Variants in DAPK1 observed in about 807,000 individuals in gnomAD.
DAPK1 encodes the protein death associated protein kinase 1.
Under a neutral mutation model 144.9 loss-of-function variants are expected in DAPK1, and 56 were observed. That is an observed-to-expected ratio of 0.39 (90% CI 0.31 to 0.48). DAPK1 has a LOEUF of 0.48. Among genes scored for constraint, DAPK1 ranks in the 20% least tolerant of loss-of-function variants. The probability of loss-of-function intolerance (pLI) is 0.95; values close to 1 mark genes in which losing one functional copy is unlikely to be tolerated. For missense variants in DAPK1, 1,454 were observed against 1,875.4 expected (o/e 0.78, Z 4.15); for synonymous variants, 690 against 749.0 (o/e 0.92, Z 1.29).
intron 19 of DAPK1, among the ~76,000 whole-genome samples, chr9:87,679,760 C>T (rs1348047247): frequency 6.6e-6 from 1 of 152,154 alleles, no homozygotes; most frequent in African/African-American, 2.4e-5. Context: ...GAGCCTCCTG[C>T]TTCTCCATAT....
chr9:87,568,289 CAG>C (rs1351219931), intron 2 of DAPK1, among the ~76,000 whole-genome samples: 2 of 152,240 alleles, frequency 1.3e-5, no homozygotes, highest in African/African-American at 4.8e-5. Context: ...TGCTGGGAAT[CAG>C]AGTTTTAAAA....
intron 3 of DAPK1, among the ~76,000 whole-genome samples, chr9:87,617,787 A>G (rs59123418): frequency 0.032 from 4,845 of 152,046 alleles, 255 homozygotes; most frequent in African/African-American, 0.11. Context: ...CTCCCCAGGT[A>G]CCTCAACTTC....
intron 2 of DAPK1, among the ~76,000 whole-genome samples, chr9:87,580,706 G>A (rs1827723842): frequency 6.6e-6 from 1 of 152,138 alleles, no homozygotes; most frequent in East Asian, 1.9e-4. Context: ...TTTACTACCT[G>A]CTCTAAAGCT....
chr9:87,641,533 G>A (rs1830093838), intron 9 of DAPK1, among the ~76,000 whole-genome samples: 1 of 152,130 alleles, frequency 6.6e-6, no homozygotes, highest in Non-Finnish European at 1.5e-5. Flanking sequence ...AGAGGTGGAG[G>A]ACAAAAGCTA....
chr9:87,634,732 C>T (rs1829829411), intron 3 of DAPK1, among the ~76,000 whole-genome samples: 1 of 152,192 alleles, frequency 6.6e-6, no homozygotes, highest in African/African-American at 2.4e-5. Context: ...AATCCCAGCT[C>T]ACCCAGGTCA....
intron 2 of DAPK1, among the ~76,000 whole-genome samples, chr9:87,509,798 C>A (rs903361696): frequency 6.6e-6 from 1 of 152,250 alleles, no homozygotes; most frequent in African/African-American, 2.4e-5. Context: ...TCACAGATTT[C>A]ATTCCTGGGA....
chr9:87,652,539 C>G (rs1377649864), intron 17 of DAPK1, among the ~76,000 whole-genome samples: 3 of 145,914 alleles, frequency 2.1e-5, no homozygotes, highest in Non-Finnish European at 3.0e-5. Flanking sequence ...GCCCCCGATC[C>G]TGGGTCCTGA....
At chr9:87,629,686 A>G (rs2119084705) in intron 3 of DAPK1, among the ~76,000 whole-genome samples, 1 of 152,204 alleles carries the variant, frequency 6.6e-6, no homozygotes, top group East Asian at 1.9e-4. Context: ...TAACTCTTTC[A>G]AAGTATACAT....
chr9:87,640,401 A>G lies in DAPK1; in HGVS notation c.733A>G (p.Ser245Gly). The G allele has an allele frequency of 1.2e-6, 2 of 1,614,232 alleles. No individual in the cohort carries two copies. Among genetic ancestry groups the G allele is most frequent in the Non-Finnish European group, 1.7e-6 (2 of 1,180,032 alleles). Residue 245 changes from serine (S) to glycine (G), a missense_variant, in exon 8 of 26, where the codon AGT becomes GGT. Physicochemically the swap from Ser to Gly is moderately conservative, Grantham distance 56. Transcript: ENST00000408954. ...EFEDEYFSNT[S>G]ALAKDFIRRL... Reference sequence around the variant, plus strand: ...TGAGGATGAATACTTCAGTAATACCAGTGCCCTAGCCAAAGATTTCATAAG... The same window carrying G: ...TGAGGATGAATACTTCAGTAATACCGGTGCCCTAGCCAAAGATTTCATAAG...
intron 3 of DAPK1, among the ~76,000 whole-genome samples, chr9:87,633,632 G>A (rs1462788703): frequency 2.0e-5 from 3 of 152,156 alleles, no homozygotes; most frequent in Non-Finnish European, 4.4e-5. Context: ...AACTCTTGGG[G>A]TTCCAGGGTT....
chr9:87,662,403 GTT>G (rs769643847), intron 18 of DAPK1, among the ~76,000 whole-genome samples: 17 of 152,032 alleles, frequency 1.1e-4, no homozygotes, highest in Admixed American at 2.0e-4. Flanking sequence ...TCTGTAGATT[GTT>G]TCAGGCAGTA....
chr9:87,499,938 A>G (rs530656434), intron 2 of DAPK1, among the ~76,000 whole-genome samples: 1 of 152,240 alleles, frequency 6.6e-6, no homozygotes, highest in African/African-American at 2.4e-5. Flanking sequence ...GTTTTCATAC[A>G]TACATTTAAA....
Position 87,685,602 on chromosome 9 carries a change from C to T in DAPK1, c.2225-949C>T, listed in dbSNP as rs1187279298. On this transcript the variant is annotated intron_variant, in intron 20 of 25. Coordinates refer to ENST00000408954, the MANE Select transcript of DAPK1 (RefSeq NM_004938.4). ...GCCTGCACAAGCCTGGTGGGAGAGA[C>T]GGGGAGCAGGGCAGGCCAGTGAGTA... Among the ~76,000 whole-genome samples, 4 of 152,246 alleles carry T rather than the reference C, an allele frequency of 2.6e-5. No individual in the cohort carries two copies. The South Asian group carries it at 6.2e-4, about 24-fold the overall frequency.
At chr9:87,524,997 G>T (rs1825437181) in intron 2 of DAPK1, among the ~76,000 whole-genome samples, 1 of 152,146 alleles carries the variant, frequency 6.6e-6, no homozygotes, top group African/African-American at 2.4e-5. Context: ...TAAAGAACTT[G>T]CTCATGTAAC....
Position 87,529,585 on chromosome 9 carries a change from C to T in DAPK1, c.62+30446C>T, listed in dbSNP as rs566457186. On this transcript the variant is annotated intron_variant, in intron 2 of 25. Transcript: ENST00000408954. ...CACATGCTCTGGGGGATATATGGCA[C>T]AGTCTTTGGATTATCAGTTTGTGTT... Among the ~76,000 whole-genome samples the T allele has an allele frequency of 4.6e-5, 7 of 152,224 alleles. No individual in the cohort carries two copies. In the South Asian group the frequency reaches 1.5e-3, roughly 32 times the overall value.
chr9:87,657,801 G>A (rs1303292118), intron 17 of DAPK1: 2 of 543,874 alleles, frequency 3.7e-6, no homozygotes, highest in Admixed American at 3.1e-5. Flanking sequence ...ACTTACTTAA[G>A]TTATCTTTGA....
chr9:87,516,193 T>C (rs2118170473), intron 2 of DAPK1, among the ~76,000 whole-genome samples: 1 of 152,262 alleles, frequency 6.6e-6, no homozygotes, highest in Non-Finnish European at 1.5e-5. Flanking sequence ...TGGGATTCTG[T>C]CTCCAGCATT....
At chr9:87,497,845 G>A (rs1043744230), upstream of DAPK1, 4 of 391,068 alleles carry the variant, frequency 1.0e-5, no homozygotes, top group African/African-American at 4.1e-5. Context: ...CCGCCCAAAA[G>A]GCGGCAAGGA....
At chr9:87,623,644 G>A (rs1422677569) in intron 3 of DAPK1, among the ~76,000 whole-genome samples, 2 of 152,192 alleles carry the variant, frequency 1.3e-5, no homozygotes, top group African/African-American at 2.4e-5. Flanking sequence ...GCTAGAGGGT[G>A]GGTTGGGAGT....
Sources: gnomAD v4.1 joint callset for allele counts (sites outside exome capture counted in the v4.1 genomes callset) on GRCh38, gnomAD v4.1.1 for gene constraint, MANE v1.5 for transcripts, NCBI Gene and HGNC (gene_info 2026-07-23, HGNC 2026-07-21) for gene names.